The following HCRTR2 variants were observed in gnomAD, a reference collection of about 807,000 sequenced individuals.
HCRTR2 encodes orexin receptor type 2.
A neutral mutation model predicts 49.0 loss-of-function variants in HCRTR2; 22 were observed. The ratio of observed to expected loss-of-function variants is 0.45; its 90% CI spans 0.32 to 0.64. The LOEUF is 0.64. Among genes scored for constraint, HCRTR2 ranks in the 30% least tolerant of loss-of-function variants. The probability of loss-of-function intolerance (pLI) is 0.04; values close to 1 mark genes in which losing one functional copy is unlikely to be tolerated. For synonymous variants in HCRTR2, 236 were observed against 205.3 expected (o/e 1.15, Z -1.28); for missense variants, 491 against 559.4 (o/e 0.88, Z 1.23).
intron 1 of HCRTR2, among the ~76,000 whole-genome samples, chr6:55,145,911 G>A (rs906630837): frequency 2.0e-5 from 3 of 151,450 alleles, no homozygotes; most frequent in African/African-American, 7.3e-5. Flanking sequence ...CATCATATAA[G>A]TTGTAATCCC....
chr6:55,127,266 G>A (rs1217226728), intron 1 of HCRTR2, among the ~76,000 whole-genome samples: 2 of 152,088 alleles, frequency 1.3e-5, no homozygotes, highest in Non-Finnish European at 2.9e-5. Flanking sequence ...ACAGTATCTG[G>A]GCTGGAGTGT....
chr6:55,115,160 C>A (rs372975185), intron 1 of HCRTR2, among the ~76,000 whole-genome samples: 4 of 151,890 alleles, frequency 2.6e-5, no homozygotes, highest in African/African-American at 9.6e-5. Context: ...TGTACCTTAT[C>A]ATTCAAACAT....
chr6:55,237,631 G>C (rs1021237727), intron 1 of HCRTR2, among the ~76,000 whole-genome samples: 1 of 152,160 alleles, frequency 6.6e-6, no homozygotes, highest in African/African-American at 2.4e-5. Context: ...AAATGCCAGA[G>C]CATCTCCCTC....
chr6:55,255,731 C>T (rs1217177566), intron 3 of HCRTR2, among the ~76,000 whole-genome samples: 2 of 152,050 alleles, frequency 1.3e-5, no homozygotes, highest in Non-Finnish European at 2.9e-5. Context: ...GAATGATCCA[C>T]GATTTATAAG....
intron 1 of HCRTR2, among the ~76,000 whole-genome samples, chr6:55,141,204 G>C (rs1177858505): frequency 6.6e-6 from 1 of 151,690 alleles, no homozygotes. Flanking sequence ...AATTAACCGG[G>C]CGTGGTGGCA....
chr6:55,207,880 G>T (rs1039799116), intron 1 of HCRTR2, among the ~76,000 whole-genome samples: 2 of 152,132 alleles, frequency 1.3e-5, no homozygotes, highest in Non-Finnish European at 2.9e-5. Flanking sequence ...ATATATATCT[G>T]CATTCATTTT....
chr6:55,205,925 A>G (rs763589367), intron 1 of HCRTR2, among the ~76,000 whole-genome samples: 1 of 152,054 alleles, frequency 6.6e-6, no homozygotes, highest in African/African-American at 2.4e-5. Context: ...TTGCATGCCT[A>G]TTTCAAAACA....
At chr6:55,209,966 G>A (rs965578517) in intron 1 of HCRTR2, among the ~76,000 whole-genome samples, 1 of 152,004 alleles carries the variant, frequency 6.6e-6, no homozygotes, top group Non-Finnish European at 1.5e-5. Flanking sequence ...GCTTATGATG[G>A]TTTATAATTG....
intron 1 of HCRTR2, among the ~76,000 whole-genome samples, chr6:55,224,515 C>T (rs1442101369): frequency 1.3e-5 from 2 of 151,788 alleles, no homozygotes; most frequent in African/African-American, 2.4e-5. Flanking sequence ...CCCAGCTACC[C>T]GGGAGGCTGA....
chr6:55,132,525 A>C (rs1561981814), intron 1 of HCRTR2, among the ~76,000 whole-genome samples: 1 of 151,948 alleles, frequency 6.6e-6, no homozygotes, highest in Non-Finnish European at 1.5e-5. Flanking sequence ...ATTAGCCTCA[A>C]GAACAGAGAA....
intron 3 of HCRTR2, among the ~76,000 whole-genome samples, chr6:55,259,406 C>T (rs1336288374): frequency 6.6e-6 from 1 of 151,988 alleles, no homozygotes; most frequent in Non-Finnish European, 1.5e-5. Context: ...AACCCCTAAA[C>T]TTTGAAAAGA....
chr6:55,149,262 T>C (rs765524883), intron 1 of HCRTR2, among the ~76,000 whole-genome samples: 1 of 152,140 alleles, frequency 6.6e-6, no homozygotes, highest in African/African-American at 2.4e-5. Context: ...ATATGTTTGC[T>C]CATAACTGTT....
chr6:55,170,830 G>A (rs1764939703), upstream of HCRTR2, among the ~76,000 whole-genome samples: 2 of 148,758 alleles, frequency 1.3e-5, no homozygotes, highest in Admixed American at 1.4e-4. Context: ...AGAACATACG[G>A]TGTTTGGTTT....
At chr6:55,134,388 CAT>C (rs959931367) in intron 1 of HCRTR2, among the ~76,000 whole-genome samples, 1 of 151,562 alleles carries the variant, frequency 6.6e-6, no homozygotes, top group African/African-American at 2.4e-5. Flanking sequence ...ACTGGATGCC[CAT>C]ATATATAGTT....
At chr6:55,206,516 C>T (rs1369080428) in intron 1 of HCRTR2, among the ~76,000 whole-genome samples, 1 of 150,942 alleles carries the variant, frequency 6.6e-6, no homozygotes, top group South Asian at 2.1e-4. Context: ...CTATGTGAGA[C>T]TATAAAGAGT....
At chr6:55,277,660 C>CATT in intron 5 of HCRTR2, 60 bp downstream of exon 5, 2 of 933,426 alleles carry the variant, frequency 2.1e-6, no homozygotes, top group Non-Finnish European at 3.2e-6. Flanking sequence ...TCTTAATTAA[C>CATT]TTTTTTTTTT....
intron 1 of HCRTR2, among the ~76,000 whole-genome samples, chr6:55,204,375 T>C (rs9367622): frequency 0.14 from 20,966 of 152,190 alleles, 1,872 homozygotes; most frequent in East Asian, 0.27. Context: ...TTCTCCCCAT[T>C]TGACCTTATT....
intron 1 of HCRTR2, among the ~76,000 whole-genome samples, chr6:55,132,698 C>G (rs1414718934): frequency 6.6e-6 from 1 of 150,456 alleles, no homozygotes; most frequent in African/African-American, 2.4e-5. Flanking sequence ...AGGAATGGGA[C>G]AGTGGAGCCC....
intron 1 of HCRTR2, among the ~76,000 whole-genome samples, chr6:55,208,294 G>A (rs1208143444): frequency 2.7e-5 from 4 of 149,782 alleles, no homozygotes; most frequent in East Asian, 2.0e-4. Flanking sequence ...GGCCCAACAC[G>A]GTGAAAAACA....
Sources: allele counts gnomAD v4.1 joint callset (sites outside exome capture counted in the v4.1 genomes callset), GRCh38; gene constraint gnomAD v4.1.1; transcripts MANE v1.5; gene names NCBI Gene and HGNC (gene_info 2026-07-23, HGNC 2026-07-21).